The following NEGR1 variants were observed in gnomAD, a reference collection of about 807,000 sequenced individuals.
NEGR1 encodes the protein neuronal growth regulator 1, also known as IgLON family member 4.
NEGR1 carries 10 observed loss-of-function variants against 40.9 expected under a neutral mutation model. The observed-to-expected ratio is 0.24, with a 90% CI of 0.15 to 0.42. NEGR1 has a LOEUF of 0.42. Ranked by LOEUF, NEGR1 falls within the 10% of genes least tolerant of loss-of-function variation. NEGR1 has a pLI of 1.00. For synonymous variants in NEGR1, 185 were observed against 166.8 expected (o/e 1.11, Z -0.84); for missense variants, 352 against 438.9 (o/e 0.80, Z 1.77).
intron 1 of NEGR1, among the ~76,000 whole-genome samples, chr1:72,157,270 CCT>C (rs1651395562): frequency 6.6e-6 from 1 of 152,022 alleles, no homozygotes; most frequent in Non-Finnish European, 1.5e-5. Context: ...CATGTCCAGC[CCT>C]GTTTGTTTGT....
rs569629660 is a variant in NEGR1 at position 72,257,575 on chromosome 1, T to C, written c.176+24744A>G. On this transcript the variant is annotated intron_variant, in intron 1 of 6. Transcript: ENST00000357731. ...TATTTAAAGATCTACTTATATTTAT[T>C]TCCTTTTTATAATTAGTAATTTTCT... 9.9e-5 allele frequency among the ~76,000 whole-genome samples: 15 copies of C among 152,282 alleles called. No homozygotes were observed. In the South Asian group the frequency reaches 2.3e-3, roughly 23 times the overall value.
intron 3 of NEGR1, among the ~76,000 whole-genome samples, chr1:71,762,284 AG>A (rs869033558): frequency 6.6e-6 from 1 of 151,726 alleles, no homozygotes; most frequent in Non-Finnish European, 1.5e-5. Context: ...AAACAGAAAA[AG>A]AAAAAAGAAA....
intron 2 of NEGR1, among the ~76,000 whole-genome samples, chr1:71,814,272 C>G (rs889492945): frequency 6.6e-6 from 1 of 151,922 alleles, no homozygotes; most frequent in Non-Finnish European, 1.5e-5. Context: ...GACTTTATCA[C>G]GGTGAATACG....
intron 6 of NEGR1, among the ~76,000 whole-genome samples, chr1:71,568,250 T>A (rs1447262129): frequency 6.6e-6 from 1 of 152,148 alleles, no homozygotes; most frequent in Non-Finnish European, 1.5e-5. Context: ...ACCTCCTTGA[T>A]GGGGGATACG....
chr1:71,466,817 C>T (rs574634419), intron 6 of NEGR1, among the ~76,000 whole-genome samples: 9 of 152,052 alleles, frequency 5.9e-5, no homozygotes, highest in African/African-American at 7.2e-5. Flanking sequence ...CAGGGGTCCA[C>T]GGACCATAAT....
chr1:72,156,941 TTTG>T (rs71074822), intron 1 of NEGR1, among the ~76,000 whole-genome samples: 2,476 of 149,860 alleles, frequency 0.017, 66 homozygotes, highest in African/African-American at 0.056. Flanking sequence ...TTGTATGTGT[TTTG>T]TTGTTGTTGT....
At chr1:72,126,089 GTA>G (rs1491311662) in intron 1 of NEGR1, among the ~76,000 whole-genome samples, 494 of 38,880 alleles carry the variant, frequency 0.013, 8 homozygotes, top group South Asian at 0.073. Flanking sequence ...TTAGAGAAAA[GTA>G]TGTGTGTGTG....
intron 1 of NEGR1, among the ~76,000 whole-genome samples, chr1:72,038,893 A>T (rs1308679212): frequency 3.3e-5 from 5 of 152,050 alleles, no homozygotes; most frequent in African/African-American, 9.7e-5. Context: ...GCAAAGGAGA[A>T]CCCTCACATC....
intron 1 of NEGR1, among the ~76,000 whole-genome samples, chr1:72,162,534 T>G (rs1481447371): frequency 6.6e-6 from 1 of 152,088 alleles, no homozygotes; most frequent in Non-Finnish European, 1.5e-5. Context: ...ACCATTGCCC[T>G]AAGTTCAGAG....
chr1:71,602,547 G>A (rs944891213), intron 5 of NEGR1, among the ~76,000 whole-genome samples: 5 of 152,104 alleles, frequency 3.3e-5, no homozygotes, highest in South Asian at 2.1e-4. Context: ...CACCGCGCCC[G>A]GCCGCCCATG....
intron 6 of NEGR1, among the ~76,000 whole-genome samples, chr1:71,487,791 C>T (rs2101380517): frequency 6.6e-6 from 1 of 151,442 alleles, no homozygotes. Context: ...ATGCAAAATG[C>T]ACTTTTCCTT....
At chr1:71,738,310 G>A (rs1655103688) in intron 3 of NEGR1, 1 of 254,454 alleles carries the variant, frequency 3.9e-6, no homozygotes, top group Non-Finnish European at 8.3e-6. Context: ...GCAGCTGAAA[G>A]AGCAGGTTAG....
At chr1:71,421,614 C>T (rs923470127) in intron 6 of NEGR1, 2 of 152,024 alleles carry the variant, frequency 1.3e-5, no homozygotes, top group African/African-American at 4.8e-5. Flanking sequence ...TTCCATTTCA[C>T]ACTAACTTCA....
At chr1:72,154,605 T>C (rs979837081) in intron 1 of NEGR1, among the ~76,000 whole-genome samples, 32 of 152,066 alleles carry the variant, frequency 2.1e-4, no homozygotes, top group African/African-American at 7.7e-4. Flanking sequence ...TTAGAGACTG[T>C]ACACTTCATG....
chr1:71,710,269 C>G (rs1029767766), intron 3 of NEGR1, among the ~76,000 whole-genome samples: 2 of 152,028 alleles, frequency 1.3e-5, no homozygotes, highest in Non-Finnish European at 2.9e-5. Context: ...AACCCTTGTA[C>G]ACTGTTGGAA....
chr1:71,965,531 T>C (rs1646203114), intron 1 of NEGR1, among the ~76,000 whole-genome samples: 1 of 152,184 alleles, frequency 6.6e-6, no homozygotes, highest in Non-Finnish European at 1.5e-5. Flanking sequence ...CTAGGCATTT[T>C]GCTTTGAATG....
rs114242411 is a variant in NEGR1 at position 72,264,867 on chromosome 1, G to C, written c.176+17452C>G. ...AACATAAAGAGAAATCTAAAATAAT[G>C]TACCAAAGTTTAAGTTTTCTACAGA... On this transcript the variant is annotated intron_variant, in intron 1 of 6. Transcript: ENST00000357731. Among the ~76,000 whole-genome samples the C allele has an allele frequency of 7.4e-3, 1,111 of 150,522 alleles. 15 individuals carry two copies. Among genetic ancestry groups the C allele is most frequent in the African/African-American group, 0.025 (1,038 of 41,322 alleles).
intron 1 of NEGR1, among the ~76,000 whole-genome samples, chr1:72,133,946 AATC>A: frequency 1.3e-5 from 2 of 152,050 alleles, no homozygotes; most frequent in East Asian, 3.9e-4. Flanking sequence ...TTTGATGAAA[AATC>A]ATGTGTTTCA....
At chr1:71,754,827 T>C (rs1235520665) in intron 3 of NEGR1, among the ~76,000 whole-genome samples, 1 of 152,202 alleles carries the variant, frequency 6.6e-6, no homozygotes, top group African/African-American at 2.4e-5. Flanking sequence ...ACCCCTCTCC[T>C]CTCTGAGTTT....
Sources: allele counts gnomAD v4.1 joint callset (sites outside exome capture counted in the v4.1 genomes callset), GRCh38; gene constraint gnomAD v4.1.1; transcripts MANE v1.5; gene names NCBI Gene and HGNC (gene_info 2026-07-23, HGNC 2026-07-21).